The following RCAN2 variants were observed in gnomAD, a reference collection of about 807,000 sequenced individuals.
RCAN2 encodes the protein calcipressin-2.
A neutral mutation model predicts 23.6 loss-of-function variants in RCAN2; 9 were observed. That is an observed-to-expected ratio of 0.38 (90% CI 0.23 to 0.67). The LOEUF is 0.67. Among genes scored for constraint, RCAN2 ranks in the 30% least tolerant of loss-of-function variants. RCAN2 has a pLI of 0.51. For missense variants in RCAN2, 273 were observed against 302.3 expected (o/e 0.90, Z 0.72); for synonymous variants, 109 against 115.7 (o/e 0.94, Z 0.37).
At chr6:46,246,215 T>C (rs1766506273) in intron 4 of RCAN2, among the ~76,000 whole-genome samples, 1 of 152,198 alleles carries the variant, frequency 6.6e-6, no homozygotes, top group African/African-American at 2.4e-5. Flanking sequence ...GAGCTACATA[T>C]GCCAACATCA....
At chr6:46,429,617 T>C (rs1045980132) in intron 2 of RCAN2, among the ~76,000 whole-genome samples, 3 of 152,200 alleles carry the variant, frequency 2.0e-5, no homozygotes, top group Admixed American at 2.0e-4. Context: ...AAAGGTATTG[T>C]ATTCATTTTT....
At chr6:46,276,901 T>C (rs1767729158) in intron 2 of RCAN2, among the ~76,000 whole-genome samples, 1 of 152,168 alleles carries the variant, frequency 6.6e-6, no homozygotes, top group Non-Finnish European at 1.5e-5. Flanking sequence ...TAGAGGTGAG[T>C]GGCAGCCTCC....
At chr6:46,259,631 C>A (rs187531029) in intron 2 of RCAN2, among the ~76,000 whole-genome samples, 1 of 152,174 alleles carries the variant, frequency 6.6e-6, no homozygotes, top group Non-Finnish European at 1.5e-5. Flanking sequence ...GGATGTCTTA[C>A]GCTTTAACTC....
chr6:46,291,214 C>T (rs1377247468), intron 2 of RCAN2, among the ~76,000 whole-genome samples: 2 of 150,444 alleles, frequency 1.3e-5, no homozygotes, highest in Non-Finnish European at 2.9e-5. Flanking sequence ...AACTCAACCA[C>T]AGAGTCAGGG....
At chr6:46,332,879 G>A (rs969931407) in intron 2 of RCAN2, among the ~76,000 whole-genome samples, 6 of 152,194 alleles carry the variant, frequency 3.9e-5, no homozygotes, top group African/African-American at 1.4e-4. Context: ...CTGAGGAATT[G>A]CCACACTGAC....
intron 2 of RCAN2, among the ~76,000 whole-genome samples, chr6:46,385,747 C>T (rs973068078): frequency 6.0e-5 from 9 of 150,376 alleles, no homozygotes; most frequent in Non-Finnish European, 1.3e-4. Context: ...ATCCCAGCTA[C>T]TCAGGAGGCT....
chr6:46,426,865 T>A (rs939169804), intron 2 of RCAN2, among the ~76,000 whole-genome samples: 1 of 152,120 alleles, frequency 6.6e-6, no homozygotes, highest in Non-Finnish European at 1.5e-5. Context: ...GTGGTAGAGA[T>A]GAGATTTGAA....
At chr6:46,372,573 T>C (rs909981303) in intron 2 of RCAN2, among the ~76,000 whole-genome samples, 5 of 152,216 alleles carry the variant, frequency 3.3e-5, no homozygotes, top group Non-Finnish European at 7.3e-5. Flanking sequence ...TCTAAAGGAT[T>C]CCTTTTCCTA....
Position 46,252,033 on chromosome 6 carries a change from C to G in RCAN2, c.226-3137G>C, listed in dbSNP as rs568072083. Among the ~76,000 whole-genome samples, 105 of 150,184 alleles carry G rather than the reference C, an allele frequency of 7.0e-4. No individual in the cohort carries two copies. The South Asian group carries it at 0.022, about 31-fold the overall frequency. ...ATTTACTCAGCATGTCCTCTCTTTT[C>G]AGGCCTTTTGGGACCTTTATTTGTA... On this transcript the variant is annotated intron_variant, in intron 2 of 4. Coordinates refer to ENST00000371374, the MANE Select transcript of RCAN2 (RefSeq NM_001251974.2).
intron 2 of RCAN2, among the ~76,000 whole-genome samples, chr6:46,344,577 T>G (rs944076864): frequency 6.6e-6 from 1 of 152,126 alleles, no homozygotes; most frequent in Admixed American, 6.5e-5. Flanking sequence ...GGAGGTGGTT[T>G]GAATGGAATT....
At chr6:46,391,747 A>G (rs1386295351) in intron 2 of RCAN2, among the ~76,000 whole-genome samples, 2 of 152,096 alleles carry the variant, frequency 1.3e-5, no homozygotes, top group East Asian at 1.9e-4. Flanking sequence ...ATTCTCTACT[A>G]TTGATTAGTA....
intron 2 of RCAN2, among the ~76,000 whole-genome samples, chr6:46,435,307 T>C (rs904368331): frequency 4.6e-5 from 7 of 152,262 alleles, no homozygotes; most frequent in African/African-American, 1.4e-4. Flanking sequence ...TTTATAATGA[T>C]GTTTCTCTTC....
intron 2 of RCAN2, among the ~76,000 whole-genome samples, chr6:46,392,520 C>T (rs1166726458): frequency 6.6e-6 from 1 of 152,076 alleles, no homozygotes; most frequent in African/African-American, 2.4e-5. Flanking sequence ...TCACTGCCCT[C>T]TGGAACCTAA....
intron 2 of RCAN2, among the ~76,000 whole-genome samples, chr6:46,341,705 G>A (rs950237021): frequency 6.6e-6 from 1 of 152,152 alleles, no homozygotes. Context: ...GGCTGAGGCA[G>A]GAGAATCGCT....
chr6:46,266,254 C>T (rs1340622893), intron 2 of RCAN2, among the ~76,000 whole-genome samples: 2 of 152,170 alleles, frequency 1.3e-5, no homozygotes, highest in African/African-American at 2.4e-5. Context: ...TGAGAATTAC[C>T]AGTACTGTTC....
In RCAN2 at chr6:46,411,102, G is replaced by A. The variant is rs114028140; in HGVS notation, c.225+45650C>T. On this transcript the variant is annotated intron_variant, in intron 2 of 4. Transcript: ENST00000371374. ...TCTGGGAAGATCATATAGAATAGCC[G>A]ATAGCATATAGTATACAGAGCCCAT... Among the ~76,000 whole-genome samples the A allele has an allele frequency of 5.3e-3, 807 of 152,276 alleles. 4 individuals are homozygous for A. Among genetic ancestry groups the A allele is most frequent in the Non-Finnish European group, 8.8e-3 (600 of 68,028 alleles).
At chr6:46,369,134 C>A (rs1266876678) in intron 2 of RCAN2, among the ~76,000 whole-genome samples, 1 of 151,922 alleles carries the variant, frequency 6.6e-6, no homozygotes, top group Admixed American at 6.6e-5. Flanking sequence ...TAGCCTAGGT[C>A]TCACAGTGTC....
chr6:46,338,811 G>A (rs541896012), intron 2 of RCAN2, among the ~76,000 whole-genome samples: 40 of 152,046 alleles, frequency 2.6e-4, no homozygotes, highest in African/African-American at 9.4e-4. Context: ...CCAGGAGTTT[G>A]AGGCCAGTCT....
intron 4 of RCAN2, among the ~76,000 whole-genome samples, chr6:46,244,913 G>A (rs1766461121): frequency 6.6e-6 from 1 of 152,224 alleles, no homozygotes; most frequent in Admixed American, 6.5e-5. Flanking sequence ...CAAGGACCTT[G>A]GCTGAAATTG....
Sources: allele counts gnomAD v4.1 joint callset (sites outside exome capture counted in the v4.1 genomes callset), GRCh38; gene constraint gnomAD v4.1.1; transcripts MANE v1.5; gene names NCBI Gene and HGNC (gene_info 2026-07-23, HGNC 2026-07-21).